The following SORBS2 variants were observed in gnomAD, a reference collection of about 807,000 sequenced individuals.
SORBS2 encodes sorbin and SH3 domain containing 2, also known as sorbin and SH3 domain-containing protein 2.
Under a neutral mutation model 97.7 loss-of-function variants are expected in SORBS2, and 46 were observed. That is an observed-to-expected ratio of 0.47 (90% CI 0.37 to 0.60). SORBS2 has a LOEUF of 0.60. Ranked by LOEUF, SORBS2 falls within the 20% of genes least tolerant of loss-of-function variation. The pLI, the probability that SORBS2 is intolerant of heterozygous loss-of-function variation, is 0.00. For synonymous variants in SORBS2, 476 were observed against 473.4 expected, an observed-to-expected ratio of 1.01 and a Z score of -0.07; for missense variants, 1,316 against 1,282.3, an observed-to-expected ratio of 1.03 and a Z score of -0.40.
rs575166180 is a variant in SORBS2 at position 185,752,421 on chromosome 4, G to A, written c.-198+22806C>T. Among the ~76,000 whole-genome samples the A allele has an allele frequency of 2.0e-5, 3 of 152,088 alleles. No homozygotes were observed. In the South Asian group the frequency reaches 6.2e-4, roughly 32 times the overall value. ...CTCCCGAGTAGCTTGGACTACAGGC[G>A]CCCGCCACCACACCCAGCTAATTTT... is the stretch of plus-strand genomic sequence containing the variant. On this transcript the variant is annotated intron_variant, in intron 2 of 20. Transcript: ENST00000284776.
intron 1 of SORBS2, among the ~76,000 whole-genome samples, chr4:185,655,414 A>T (rs1479008275): frequency 2.0e-5 from 3 of 152,234 alleles, no homozygotes; most frequent in Admixed American, 2.0e-4. Context: ...TGGCTCAGAG[A>T]CAGCCTGACT....
intron 1 of SORBS2, among the ~76,000 whole-genome samples, chr4:185,790,063 T>G (rs1188335659): frequency 1.3e-5 from 2 of 152,182 alleles, no homozygotes; most frequent in Non-Finnish European, 2.9e-5. Context: ...TCTAGGCTGT[T>G]GAAACATGTC....
chr4:185,831,137 A>G (rs2099204897), intron 1 of SORBS2, among the ~76,000 whole-genome samples: 1 of 152,228 alleles, frequency 6.6e-6, no homozygotes, highest in Non-Finnish European at 1.5e-5. Context: ...ACACTCTAAA[A>G]TGGACCCAAC....
chr4:185,900,238 A>C (rs919163267), intron 1 of SORBS2, among the ~76,000 whole-genome samples: 4 of 152,256 alleles, frequency 2.6e-5, no homozygotes, highest in Admixed American at 6.5e-5. Context: ...CAAATAAGTT[A>C]CTATACTTGA....
chr4:185,897,152 C>A (rs1413905893), intron 1 of SORBS2, among the ~76,000 whole-genome samples: 1 of 152,198 alleles, frequency 6.6e-6, no homozygotes, highest in Non-Finnish European at 1.5e-5. Flanking sequence ...TCACAGTAAC[C>A]ACAACCCCTT....
intron 1 of SORBS2, among the ~76,000 whole-genome samples, chr4:185,925,555 T>C (rs2099263197): frequency 6.6e-6 from 1 of 152,224 alleles, no homozygotes. Context: ...TCAAAATATG[T>C]ATGAGACGCG....
At chr4:185,849,353 G>T (rs1324836628) in intron 1 of SORBS2, among the ~76,000 whole-genome samples, 1 of 152,088 alleles carries the variant, frequency 6.6e-6, no homozygotes, top group Non-Finnish European at 1.5e-5. Context: ...TTTGAAGTAG[G>T]ATTTTCCTTA....
intron 1 of SORBS2, among the ~76,000 whole-genome samples, chr4:185,858,080 G>A (rs1018393650): frequency 5.9e-5 from 9 of 152,092 alleles, no homozygotes; most frequent in African/African-American, 1.9e-4. Context: ...TTTGCAGCTC[G>A]AGGTCTCCAT....
intron 1 of SORBS2, among the ~76,000 whole-genome samples, chr4:185,840,000 GAAGA>G (rs147230237): frequency 0.66 from 99,780 of 151,248 alleles, 33,690 homozygotes; most frequent in East Asian, 0.96. Flanking sequence ...TTACCCTGTG[GAAGA>G]AAGAAGTGGA....
At chr4:185,884,471 T>G (rs141434800) in intron 1 of SORBS2, among the ~76,000 whole-genome samples, 109 of 152,322 alleles carry the variant, frequency 7.2e-4, no homozygotes, top group African/African-American at 2.6e-3. Context: ...TAAAAAAGTT[T>G]TATTTTTGCT....
chr4:185,815,947 G>T (rs1215031019), intron 1 of SORBS2, among the ~76,000 whole-genome samples: 1 of 152,238 alleles, frequency 6.6e-6, no homozygotes, highest in Admixed American at 6.5e-5. Flanking sequence ...TAGACACAGA[G>T]TTAAGGTTAA....
At chr4:185,952,656 G>C (rs191866926) in intron 1 of SORBS2, among the ~76,000 whole-genome samples, 1 of 152,150 alleles carries the variant, frequency 6.6e-6, no homozygotes, top group Non-Finnish European at 1.5e-5. Flanking sequence ...AGGCTGTATC[G>C]TTCTTTGTTG....
intron 1 of SORBS2, among the ~76,000 whole-genome samples, chr4:185,953,183 C>T (rs1056640267): frequency 2.6e-5 from 4 of 152,264 alleles, no homozygotes; most frequent in South Asian, 2.1e-4. Context: ...GGTGCAGGGG[C>T]GCACGCCTGA....
chr4:185,945,445 A>G (rs746757892), intron 1 of SORBS2, among the ~76,000 whole-genome samples: 2 of 152,240 alleles, frequency 1.3e-5, no homozygotes, highest in Non-Finnish European at 2.9e-5. Flanking sequence ...TTAATAGGCA[A>G]CATTTCATAA....
At position 185,606,452 on chromosome 4, in the gene SORBS2, C is replaced by A. The variant is rs1323663695; in HGVS notation, c.2796+5328G>T. 2.0e-6 allele frequency: 2 copies of A among 975,952 alleles called. No homozygotes were observed. Among genetic ancestry groups the A allele is most frequent in the African/African-American group, 3.5e-5 (2 of 56,992 alleles). The allele number at this position is 975,952 out of a possible 1,614,324, so 60.5% of individuals were successfully genotyped here. A position where few individuals can be genotyped will look rare whatever the true frequency, so the allele number is the denominator to read the frequency against. Reference sequence around the variant, plus strand: ...TTTCATATACCCACTCCACCCCCATCTTATATAGTATTTGTGTTTTTTGTT... The same window carrying A: ...TTTCATATACCCACTCCACCCCCATATTATATAGTATTTGTGTTTTTTGTT... On this transcript the variant is annotated intron_variant, in intron 12 of 14. Transcript: ENST00000418609. The surrounding 1 kb of genome is among the most constrained non-coding windows in gnomAD (Gnocchi z 4.3).
intron 4 of SORBS2, among the ~76,000 whole-genome samples, chr4:185,631,203 T>C (rs1287048899): frequency 2.0e-5 from 3 of 152,202 alleles, no homozygotes; most frequent in Non-Finnish European, 4.4e-5. Flanking sequence ...ATCAGGTAAA[T>C]AGTTATACTT....
chr4:185,908,021 T>C (rs1053818443), intron 1 of SORBS2, among the ~76,000 whole-genome samples: 18 of 152,062 alleles, frequency 1.2e-4, no homozygotes, highest in African/African-American at 3.4e-4. Context: ...AAAACCGACC[T>C]GGAGAGGTCA....
chr4:185,820,154 A>G (rs1185467484), intron 1 of SORBS2, among the ~76,000 whole-genome samples: 1 of 152,218 alleles, frequency 6.6e-6, no homozygotes, highest in Non-Finnish European at 1.5e-5. Context: ...CAGAGCGTCA[A>G]AAAGCAACAC....
intron 2 of SORBS2, among the ~76,000 whole-genome samples, chr4:185,737,612 C>A (rs1249501038): frequency 6.6e-6 from 1 of 151,994 alleles, no homozygotes; most frequent in Non-Finnish European, 1.5e-5. Context: ...GGTGGGGACC[C>A]GAGGGGTGGG....
Sources: allele counts gnomAD v4.1 joint callset (sites outside exome capture counted in the v4.1 genomes callset), GRCh38; gene constraint gnomAD v4.1.1; non-coding constraint Gnocchi (gnomAD v3.1); transcripts MANE v1.5; gene names NCBI Gene and HGNC (gene_info 2026-07-23, HGNC 2026-07-21).